CACNG3: variants seen among roughly 807,000 people sequenced by gnomAD.
The protein encoded by CACNG3 is voltage-dependent calcium channel gamma-3 subunit.
CACNG3 carries 3 observed loss-of-function variants against 28.5 expected under a neutral mutation model. That is an observed-to-expected ratio of 0.11 (90% CI 0.05 to 0.27). CACNG3 has a LOEUF of 0.27. CACNG3 is among the 10% of genes least tolerant of loss of function. The probability of loss-of-function intolerance (pLI) is 1.00; values close to 1 mark genes in which losing one functional copy is unlikely to be tolerated. For synonymous variants in CACNG3, 174 were observed against 162.2 expected, an observed-to-expected ratio of 1.07 and a Z score of -0.55; for missense variants, 236 against 414.4, an observed-to-expected ratio of 0.57 and a Z score of 3.74.
At chr16:24,304,352 T>G (rs1899155783) in intron 1 of CACNG3, among the ~76,000 whole-genome samples, 2 of 152,184 alleles carry the variant, frequency 1.3e-5, no homozygotes, top group African/African-American at 2.4e-5. Flanking sequence ...ACATTTCATT[T>G]TTTTTAGCTT....
At chr16:24,341,625 A>G (rs565723433) in intron 1 of CACNG3, among the ~76,000 whole-genome samples, 1 of 152,350 alleles carries the variant, frequency 6.6e-6, no homozygotes, top group South Asian at 2.1e-4. Context: ...TTCATTCTGT[A>G]GAAGAAGGAA....
chr16:24,274,958 T>C (rs1348531643), intron 1 of CACNG3, among the ~76,000 whole-genome samples: 1 of 152,194 alleles, frequency 6.6e-6, no homozygotes, highest in Non-Finnish European at 1.5e-5. Flanking sequence ...TCAATCCTGA[T>C]GTTATAGCTC....
intron 1 of CACNG3, among the ~76,000 whole-genome samples, chr16:24,344,067 G>A (rs925786491): frequency 4.0e-5 from 6 of 151,732 alleles, no homozygotes; most frequent in Non-Finnish European, 8.8e-5. Flanking sequence ...GCGAGATTCC[G>A]TCTCAAAAAA....
At chr16:24,284,423 T>C (rs1440249272) in intron 1 of CACNG3, among the ~76,000 whole-genome samples, 3 of 152,200 alleles carry the variant, frequency 2.0e-5, no homozygotes, top group Admixed American at 6.5e-5. Flanking sequence ...TTTTTACTCA[T>C]AGAAATGTAA....
At chr16:24,320,070 AT>A in intron 1 of CACNG3, among the ~76,000 whole-genome samples, 1 of 152,296 alleles carries the variant, frequency 6.6e-6, no homozygotes, top group East Asian at 1.9e-4. Context: ...AAGTGACTCC[AT>A]TTTTATTCTG....
chr16:24,322,669 T>G (rs1899480545), intron 1 of CACNG3, among the ~76,000 whole-genome samples: 1 of 151,936 alleles, frequency 6.6e-6, no homozygotes, highest in African/African-American at 2.4e-5. Flanking sequence ...CCCCTTCTGC[T>G]TCTCAAATTC....
chr16:24,276,546 G>C (rs760236450), intron 1 of CACNG3, among the ~76,000 whole-genome samples: 2 of 152,182 alleles, frequency 1.3e-5, no homozygotes, highest in African/African-American at 2.4e-5. Flanking sequence ...TTTCCTTCTA[G>C]TTCTGTCTTT....
intron 1 of CACNG3, among the ~76,000 whole-genome samples, chr16:24,331,303 C>G (rs1899628531): frequency 6.6e-6 from 1 of 152,192 alleles, no homozygotes; most frequent in African/African-American, 2.4e-5. Context: ...GAGCTCAAAA[C>G]CAGGCTCTTT....
chr16:24,287,554 AAT>A (rs938171108), intron 1 of CACNG3, among the ~76,000 whole-genome samples: 1 of 151,918 alleles, frequency 6.6e-6, no homozygotes, highest in Admixed American at 6.6e-5. Flanking sequence ...AGAAAAAAAA[AAT>A]GTAGACTCTG....
chr16:24,257,590 C>T (rs1246367849), intron 1 of CACNG3, among the ~76,000 whole-genome samples: 1 of 152,132 alleles, frequency 6.6e-6, no homozygotes, highest in Admixed American at 6.5e-5. Flanking sequence ...ACACCCTATG[C>T]ACACATTTTA....
intron 1 of CACNG3, among the ~76,000 whole-genome samples, chr16:24,289,504 T>G (rs536544145): frequency 6.6e-6 from 1 of 152,188 alleles, no homozygotes; most frequent in East Asian, 1.9e-4. Context: ...TTGACAGGAG[T>G]AGGAGCCTTG....
chr16:24,276,940 C>A (rs1167851285), intron 1 of CACNG3, among the ~76,000 whole-genome samples: 1 of 152,130 alleles, frequency 6.6e-6, no homozygotes, highest in African/African-American at 2.4e-5. Context: ...ACCTTCTAAC[C>A]TATAATTAAA....
chr16:24,279,437 A>C (rs577074396), intron 1 of CACNG3, among the ~76,000 whole-genome samples: 37 of 151,898 alleles, frequency 2.4e-4, no homozygotes, highest in Middle Eastern at 6.8e-3. Context: ...GGGACTACAG[A>C]GGTGCACCGC....
intron 1 of CACNG3, among the ~76,000 whole-genome samples, chr16:24,313,330 A>C (rs1193022460): frequency 6.6e-6 from 1 of 152,202 alleles, no homozygotes; most frequent in Non-Finnish European, 1.5e-5. Context: ...AGAAAGGCCA[A>C]ACAACGTGCC....
At chr16:24,335,026 T>C (rs991482013) in intron 1 of CACNG3, among the ~76,000 whole-genome samples, 6 of 152,188 alleles carry the variant, frequency 3.9e-5, no homozygotes, top group Non-Finnish European at 5.9e-5. Flanking sequence ...CTCTTCCCAG[T>C]GCTTGGCACT....
chr16:24,332,189 G>T (rs1899639979), intron 1 of CACNG3, among the ~76,000 whole-genome samples: 1 of 152,198 alleles, frequency 6.6e-6, no homozygotes. Flanking sequence ...GGGACCGGGT[G>T]CAATGGCTCA....
At chr16:24,289,028 T>G (rs1380761522) in intron 1 of CACNG3, among the ~76,000 whole-genome samples, 1 of 152,170 alleles carries the variant, frequency 6.6e-6, no homozygotes, top group African/African-American at 2.4e-5. Context: ...ATGGTGGTCT[T>G]TCCTGGCCAG....
chr16:24,300,821 A>T (rs1006683755), intron 1 of CACNG3, among the ~76,000 whole-genome samples: 1 of 152,028 alleles, frequency 6.6e-6, no homozygotes, highest in Non-Finnish European at 1.5e-5. Flanking sequence ...TTGGAAGCTA[A>T]GGGGGGCAGA....
At chr16:24,294,121 A>G (rs1473253104) in intron 1 of CACNG3, among the ~76,000 whole-genome samples, 3 of 152,136 alleles carry the variant, frequency 2.0e-5, no homozygotes, top group African/African-American at 2.4e-5. Context: ...TGTGCACCTG[A>G]TCGTAGGTGC....
Sources: gnomAD v4.1 joint callset for allele counts (sites outside exome capture counted in the v4.1 genomes callset) on GRCh38, gnomAD v4.1.1 for gene constraint, MANE v1.5 for transcripts, NCBI Gene and HGNC (gene_info 2026-07-23, HGNC 2026-07-21) for gene names.